Variants in PCSK2 observed in about 807,000 individuals in gnomAD.
PCSK2 encodes proprotein convertase subtilisin/kexin type 2.
PCSK2 carries 14 observed loss-of-function variants against 69.7 expected under a neutral mutation model. That is an observed-to-expected ratio of 0.20 (90% CI 0.13 to 0.31). The LOEUF is 0.31. Ranked by LOEUF, PCSK2 falls within the 10% of genes least tolerant of loss-of-function variation. The pLI is 1.00. For missense variants in PCSK2, 544 were observed against 842.5 expected (o/e 0.65, Z 4.39); for synonymous variants, 307 against 320.7 (o/e 0.96, Z 0.46).
intron 1 of PCSK2, among the ~76,000 whole-genome samples, chr20:17,235,667 G>C (rs991628220): frequency 6.6e-6 from 1 of 152,158 alleles, no homozygotes; most frequent in African/African-American, 2.4e-5. Flanking sequence ...CTTGCTTTCT[G>C]TGTAAACACA....
At chr20:17,455,458 C>T (rs1347804723) in intron 9 of PCSK2, among the ~76,000 whole-genome samples, 1 of 152,138 alleles carries the variant, frequency 6.6e-6, no homozygotes, top group Non-Finnish European at 1.5e-5. Context: ...GGAGGTGATA[C>T]CCACATATTG....
At chr20:17,394,904 C>T (rs2031475057) in intron 5 of PCSK2, among the ~76,000 whole-genome samples, 1 of 152,192 alleles carries the variant, frequency 6.6e-6, no homozygotes, top group Non-Finnish European at 1.5e-5. Context: ...TGATGAATAG[C>T]TGTGAAAAGA....
rs1461284692 is a variant in PCSK2, at chr20:17,483,337, T to C, written c.*1267T>C. On this transcript the variant is annotated 3_prime_UTR_variant, in exon 12 of 12. Transcript: ENST00000262545. ...GTGAGGAAAGCACACAGTCACCTTCTCGGCAACTAAGCAGTCCCTGAGACC... is the reference window on the plus strand; with the variant it reads ...GTGAGGAAAGCACACAGTCACCTTCCCGGCAACTAAGCAGTCCCTGAGACC... 2 of 152,172 alleles carry C rather than the reference T, an allele frequency of 1.3e-5. No homozygotes were observed. The highest frequency in any genetic ancestry group is 2.9e-5 in the Non-Finnish European group (2 of 68,056). 9.4% of individuals were successfully genotyped at this position (152,172 alleles called of 1,614,324 possible).
intron 2 of PCSK2, among the ~76,000 whole-genome samples, chr20:17,277,615 C>A: frequency 1.0e-5 from 1 of 96,392 alleles, no homozygotes; most frequent in Non-Finnish European, 2.7e-5. Context: ...CCATAAAAAC[C>A]CTAGAAGAAA....
intron 9 of PCSK2, among the ~76,000 whole-genome samples, chr20:17,455,503 C>G (rs73898590): frequency 2.6e-4 from 39 of 152,278 alleles, no homozygotes; most frequent in African/African-American, 8.7e-4. Flanking sequence ...AGAATCTCTC[C>G]GTGGATTTTA....
intron 5 of PCSK2, among the ~76,000 whole-genome samples, chr20:17,388,045 A>G (rs914477578): frequency 6.6e-6 from 1 of 151,902 alleles, no homozygotes; most frequent in South Asian, 2.1e-4. Flanking sequence ...AGCAGAAGGA[A>G]CAGCTTGTGC....
At chr20:17,340,610 C>G (rs140411975) in intron 2 of PCSK2, among the ~76,000 whole-genome samples, 1 of 151,944 alleles carries the variant, frequency 6.6e-6, no homozygotes. Context: ...TTTTCCTCTC[C>G]GTCTTACGGA....
chr20:17,258,797 T>TGTGTGTGTG (rs1555782145), intron 1 of PCSK2, among the ~76,000 whole-genome samples: 4 of 151,028 alleles, frequency 2.6e-5, no homozygotes, highest in East Asian at 1.9e-4. Flanking sequence ...TGTGTGTGTG[T>TGTGTGTGTG]TTAAGCAAGG....
chr20:17,480,204 T>C (rs2123425887), intron 11 of PCSK2, among the ~76,000 whole-genome samples: 1 of 116,532 alleles, frequency 8.6e-6, no homozygotes, highest in Non-Finnish European at 1.9e-5. Flanking sequence ...TTTTTTTTTT[T>C]TTTGAGGCAG....
chr20:17,451,961 C>T (rs2032832859), intron 8 of PCSK2, among the ~76,000 whole-genome samples: 2 of 149,184 alleles, frequency 1.3e-5, no homozygotes, highest in Non-Finnish European at 3.0e-5. Context: ...TTCTGTCACC[C>T]GGGCTGGAGT....
At chr20:17,401,544 CA>C (rs1457868006) in intron 5 of PCSK2, among the ~76,000 whole-genome samples, 1 of 152,138 alleles carries the variant, frequency 6.6e-6, no homozygotes, top group African/African-American at 2.4e-5. Flanking sequence ...TTTGGAGGGA[CA>C]CCAACATTCA....
intron 5 of PCSK2, among the ~76,000 whole-genome samples, chr20:17,404,328 T>C (rs2031707497): frequency 6.6e-6 from 1 of 152,248 alleles, no homozygotes; most frequent in Admixed American, 6.5e-5. Context: ...GTCTTCTTTC[T>C]TATGGCAAGT....
chr20:17,311,017 A>AAT (rs1555787259), intron 2 of PCSK2, among the ~76,000 whole-genome samples: 5 of 151,196 alleles, frequency 3.3e-5, no homozygotes, highest in Non-Finnish European at 7.4e-5. Flanking sequence ...AAAAAAAAAA[A>AAT]ATCATGGAAA....
In PCSK2 at chr20:17,481,748, A is replaced by C; in HGVS notation, c.1595A>C (p.Lys532Thr). Residue 532 changes from lysine to threonine, a missense_variant, in exon 12 of 12, where the codon AAG becomes ACG. Transcript: ENST00000262545. ...NINMTSPMGT[K>T]SILLSRRPRD... ...AACATGACTTCCCCTATGGGCACCA[A>C]GTCCATTTTGCTGAGCCGGCGTCCA... 1.2e-6 allele frequency: 2 copies of C among 1,614,166 alleles called. No homozygotes were observed. Among genetic ancestry groups the C allele is most frequent in the South Asian group, 2.2e-5 (2 of 91,080 alleles).
chr20:17,459,756 T>C (rs991044888), intron 10 of PCSK2, among the ~76,000 whole-genome samples: 5 of 152,208 alleles, frequency 3.3e-5, no homozygotes, highest in African/African-American at 1.2e-4. Flanking sequence ...TCCCTAGGGA[T>C]GGGTGGCCCA....
chr20:17,235,074 T>C (rs1986287878), intron 1 of PCSK2, among the ~76,000 whole-genome samples: 1 of 152,174 alleles, frequency 6.6e-6, no homozygotes, highest in Non-Finnish European at 1.5e-5. Context: ...TGTATAGTTG[T>C]GTATTAATGG....
At chr20:17,435,773 A>G (rs1207813394) in intron 7 of PCSK2, among the ~76,000 whole-genome samples, 1 of 152,182 alleles carries the variant, frequency 6.6e-6, no homozygotes, top group Non-Finnish European at 1.5e-5. Flanking sequence ...CAGATGACAA[A>G]GCCTGGAGAG....
intron 2 of PCSK2, among the ~76,000 whole-genome samples, chr20:17,314,236 A>G (rs1004678711): frequency 5.9e-5 from 9 of 152,136 alleles, no homozygotes; most frequent in Non-Finnish European, 1.5e-5. Flanking sequence ...ACCTGCTTTG[A>G]TTTCCTCTCT....
At chr20:17,409,186 G>T in intron 5 of PCSK2, 77 bp from the exon 6 acceptor site, 1 of 1,129,956 alleles carries the variant, frequency 8.8e-7, no homozygotes, top group South Asian at 1.2e-5. Flanking sequence ...GACTAGAAAT[G>T]TTTAAAGTCT....
Sources: gnomAD v4.1 joint callset for allele counts (sites outside exome capture counted in the v4.1 genomes callset) on GRCh38, gnomAD v4.1.1 for gene constraint, MANE v1.5 for transcripts, NCBI Gene and HGNC (gene_info 2026-07-23, HGNC 2026-07-21) for gene names.